RNF157: variants seen among roughly 807,000 people sequenced by gnomAD.
RNF157 encodes ring finger protein 157.
Under a neutral mutation model 88.3 loss-of-function variants are expected in RNF157, and 55 were observed. That is an observed-to-expected ratio of 0.62 (90% CI 0.50 to 0.78). The LOEUF (loss-of-function observed/expected upper bound fraction) is 0.78. RNF157 is among the 30% of genes least tolerant of loss of function. The pLI is 0.00. For missense variants in RNF157, 788 were observed against 860.8 expected (o/e 0.92, Z 1.06); for synonymous variants, 334 against 341.2 (o/e 0.98, Z 0.23).
At position 76,146,675 on chromosome 17, in the gene RNF157, C is replaced by T. The variant is rs2068590285; in HGVS notation, c.1922-1322G>A. On this transcript the variant is annotated intron_variant, in intron 18 of 18. Coordinates refer to ENST00000269391, the MANE Select transcript of RNF157 (RefSeq NM_052916.3). The surrounding 1 kb of genome is among the most constrained non-coding windows in gnomAD (Gnocchi z 4.2). Reference sequence around the variant, plus strand: ...AGCCTGAACTACTGCTCCACGCACACGTCACATGGCAGAAACCGCTAGGTC... The same window carrying T: ...AGCCTGAACTACTGCTCCACGCACATGTCACATGGCAGAAACCGCTAGGTC... 11 of 985,498 alleles carry T rather than the reference C, an allele frequency of 1.1e-5. No homozygotes were observed. The highest frequency in any genetic ancestry group is 1.3e-5 in the Non-Finnish European group (11 of 829,952). The allele number at this position is 985,498 out of a possible 1,614,324, so 61.0% of individuals were successfully genotyped here. A position where few individuals can be genotyped will look rare whatever the true frequency, so the allele number is the denominator to read the frequency against.
rs1008682958 is a variant in RNF157, at chr17:76,160,439, G to A, written c.1066-866C>T. On this transcript the variant is annotated intron_variant, in intron 11 of 18. Coordinates refer to ENST00000269391, the MANE Select transcript of RNF157 (RefSeq NM_052916.3). The surrounding 1 kb of genome is among the most constrained non-coding windows in gnomAD (Gnocchi z 4.3). ...GTAATACAGAAGACCTATTCTGACT[G>A]CTTCCCCGAAAGCAGGGAGAATCGC... is the stretch of plus-strand genomic sequence containing the variant. Among the ~76,000 whole-genome samples, 1 of 151,616 alleles carries A rather than the reference G, an allele frequency of 6.6e-6. No individual in the cohort carries two copies. The highest frequency in any genetic ancestry group is 1.5e-5 in the Non-Finnish European group (1 of 67,964).
Position 76,146,644 on chromosome 17 carries a change from C to T in RNF157, c.1922-1291G>A. The T allele has an allele frequency of 1.0e-6, 1 of 985,494 alleles. No individual in the cohort carries two copies. Among genetic ancestry groups the T allele is most frequent in the Non-Finnish European group, 1.2e-6 (1 of 829,940 alleles). The allele number at this position is 985,494 out of a possible 1,614,324, so 61.0% of individuals were successfully genotyped here. A position where few individuals can be genotyped will look rare whatever the true frequency, so the allele number is the denominator to read the frequency against. On this transcript the variant is annotated intron_variant, in intron 18 of 18. Transcript: ENST00000269391. This position sits in a 1 kb window ranked among gnomAD's most constrained non-coding sequence, Gnocchi z 4.2. The stretch of plus-strand genomic sequence containing the variant: ...GAGGCCCAGTGTGCTCCTAAGTGCT[C>T]CCTGCAGCCTGAACTACTGCTCCAC...
In RNF157 at chr17:76,194,843, G is replaced by A. The variant is rs535838957; in HGVS notation, c.207+17521C>T. On this transcript the variant is annotated intron_variant, in intron 2 of 18. Transcript: ENST00000269391. ...ATCCTGGCTAACATGGTGAAACCCC[G>A]TCTCTACTAAAAATACAAAAAATTA... is the stretch of plus-strand genomic sequence containing the variant. Among the ~76,000 whole-genome samples, 440 of 152,084 alleles carry A rather than the reference G, an allele frequency of 2.9e-3. 1 individual carries two copies. Among genetic ancestry groups the A allele is most frequent in the South Asian group, 5.0e-3 (24 of 4,820 alleles).
In RNF157 at chr17:76,152,408, A is replaced by T. The variant is rs894490254; in HGVS notation, c.1868T>A (p.Ile623Asn). ...MECDNNNDFDIASVKALDNKL... is the reference protein window; with the variant it reads ...MECDNNNDFDNASVKALDNKL... ...ATTGTCCAGTGCTTTCACGCTTGCG[A>T]TGTCAAAGTCATTGTTATTGTCACA... The change falls in exon 18 of 19, where the codon ATC (isoleucine) becomes AAC (asparagine). Residue 623 changes from isoleucine (I) to asparagine (N), a missense_variant. Transcript: ENST00000269391. 1 of 1,613,886 alleles carries T rather than the reference A, an allele frequency of 6.2e-7. No individual in the cohort carries two copies. Among genetic ancestry groups the T allele is most frequent in the Non-Finnish European group, 8.5e-7 (1 of 1,179,888 alleles).
intron 15 of RNF157, 34 bp from the exon 16 acceptor site, chr17:76,155,351 A>T: frequency 6.2e-7 from 1 of 1,606,934 alleles, no homozygotes; most frequent in Admixed American, 1.7e-5. Flanking sequence ...AGGCTCTTCC[A>T]TAAAGGTCTC....
At chr17:76,193,194 G>A (rs906166030) in intron 2 of RNF157, among the ~76,000 whole-genome samples, 1 of 152,170 alleles carries the variant, frequency 6.6e-6, no homozygotes, top group Non-Finnish European at 1.5e-5. Context: ...TCTGTAAAAT[G>A]AGATTTATAG....
At chr17:76,232,643 T>TTTATG (rs1446475815) in intron 1 of RNF157, among the ~76,000 whole-genome samples, 17 of 152,170 alleles carry the variant, frequency 1.1e-4, no homozygotes, top group Non-Finnish European at 2.2e-4. Flanking sequence ...ATAAGGCAAA[T>TTTATG]TTATGTTCCA....
At chr17:76,210,887 CTCCACT>C (rs2069785621) in intron 2 of RNF157, among the ~76,000 whole-genome samples, 1 of 152,126 alleles carries the variant, frequency 6.6e-6, no homozygotes, top group African/African-American at 2.4e-5. Context: ...TCACTGCAAC[CTCCACT>C]TCCCGGGTTC....
intron 2 of RNF157, chr17:76,211,836 A>G (rs2069806048): frequency 2.6e-5 from 4 of 152,348 alleles, no homozygotes; most frequent in Admixed American, 2.6e-4. Flanking sequence ...AACAAGTGAG[A>G]GAAATGTATT....
intron 2 of RNF157, among the ~76,000 whole-genome samples, chr17:76,186,660 G>A (rs191128178): frequency 1.1e-4 from 16 of 151,554 alleles, no homozygotes; most frequent in African/African-American, 2.7e-4. Context: ...GGTCTGGGCC[G>A]GGGGGGCAGT....
intron 2 of RNF157, among the ~76,000 whole-genome samples, chr17:76,199,096 T>C (rs1299490359): frequency 6.6e-6 from 1 of 152,208 alleles, no homozygotes; most frequent in Non-Finnish European, 1.5e-5. Context: ...GAGGGAATAA[T>C]GAAGGAGTGA....
At chr17:76,163,867 C>A (rs1317533801) in intron 8 of RNF157, 3 of 152,206 alleles carry the variant, frequency 2.0e-5, no homozygotes, top group East Asian at 3.9e-4. Flanking sequence ...GATCTGTTTC[C>A]TCCTCTGCTG....
chr17:76,197,483 C>T (rs2069497202), intron 2 of RNF157, among the ~76,000 whole-genome samples: 2 of 152,104 alleles, frequency 1.3e-5, no homozygotes, highest in African/African-American at 4.8e-5. Flanking sequence ...GGCAACACAG[C>T]AAGACCCCAT....
At chr17:76,185,110 A>G (rs1053879321) in intron 2 of RNF157, among the ~76,000 whole-genome samples, 2 of 152,042 alleles carry the variant, frequency 1.3e-5, no homozygotes, top group African/African-American at 2.4e-5. Context: ...TTAGGTCTTG[A>G]CTCATTGTTT....
intron 2 of RNF157, among the ~76,000 whole-genome samples, chr17:76,174,039 T>C (rs111802242): frequency 6.6e-6 from 1 of 151,942 alleles, no homozygotes; most frequent in Non-Finnish European, 1.5e-5. Flanking sequence ...ATATGAAGCT[T>C]ATTTCGGTCA....
At chr17:76,172,922 A>G (rs1203806550) in intron 3 of RNF157, among the ~76,000 whole-genome samples, 1 of 152,130 alleles carries the variant, frequency 6.6e-6, no homozygotes, top group African/African-American at 2.4e-5. Flanking sequence ...AACATTGATG[A>G]TGAGGATTAA....
At chr17:76,216,612 C>T (rs961370997) in intron 1 of RNF157, among the ~76,000 whole-genome samples, 3 of 150,664 alleles carry the variant, frequency 2.0e-5, no homozygotes, top group Non-Finnish European at 1.5e-5. Flanking sequence ...AATAATAATA[C>T]TATGGTATAT....
At position 76,155,617 on chromosome 17, in the gene RNF157, CCCT is replaced by C; in HGVS notation, c.1640_1642del (p.Glu547del). Reference sequence around the variant, plus strand: ...AGGCTGGGGGGAAGAGAGAGCCTCTCCCTCCTCTTCAGTGCCAGGGGCGATGTA... The same window carrying C: ...AGGCTGGGGGGAAGAGAGAGCCTCTCCCTCTTCAGTGCCAGGGGCGATGTA... On this transcript the variant is annotated inframe_deletion, in exon 15 of 19. Coordinates refer to ENST00000269391, the MANE Select transcript of RNF157 (RefSeq NM_052916.3). The C allele has an allele frequency of 6.2e-7, 1 of 1,613,818 alleles. No individual in the cohort carries two copies. Among genetic ancestry groups the C allele is most frequent in the Non-Finnish European group, 8.5e-7 (1 of 1,179,950 alleles).
At chr17:76,203,051 C>T (rs1484048203) in intron 2 of RNF157, among the ~76,000 whole-genome samples, 1 of 152,136 alleles carries the variant, frequency 6.6e-6, no homozygotes, top group African/African-American at 2.4e-5. Context: ...AGTGCAGTGG[C>T]ATGATCTCCG....
Sources: gnomAD v4.1 joint callset for allele counts (sites outside exome capture counted in the v4.1 genomes callset) on GRCh38, gnomAD v4.1.1 for gene constraint, Gnocchi (gnomAD v3.1) non-coding constraint, MANE v1.5 for transcripts, NCBI Gene and HGNC (gene_info 2026-07-23, HGNC 2026-07-21) for gene names.